BLK: variants seen among roughly 807,000 people sequenced by gnomAD.
BLK encodes the protein tyrosine-protein kinase Blk.
In BLK, 64 loss-of-function variants were observed where a neutral mutation model predicts 61.8. That is an observed-to-expected ratio of 1.03 (90% CI 0.85 to 1.27). BLK has a LOEUF of 1.27. Among genes scored for constraint, BLK ranks in the 50% most tolerant of loss-of-function variants. The pLI is 0.00. For synonymous variants in BLK, 351 were observed against 272.0 expected, an observed-to-expected ratio of 1.29 and a Z score of -2.86; for missense variants, 853 against 660.5, an observed-to-expected ratio of 1.29 and a Z score of -3.19.
At chr8:11,554,627 T>A in intron 6 of BLK, 116 bp from the exon 7 acceptor site, 2 of 1,268,726 alleles carry the variant, frequency 1.6e-6, no homozygotes, top group East Asian at 4.7e-5. Context: ...GGAGTGCTGA[T>A]AATGAAGAAC....
intron 1 of BLK, among the ~76,000 whole-genome samples, chr8:11,538,955 A>G (rs1585380699): frequency 6.6e-6 from 1 of 152,216 alleles, no homozygotes; most frequent in Admixed American, 6.5e-5. Context: ...TAAGAAATAT[A>G]TACAATTAAA....
chr8:11,510,773 TCAAA>T (rs1340814232), intron 1 of BLK, among the ~76,000 whole-genome samples: 38 of 129,938 alleles, frequency 2.9e-4, no homozygotes, highest in African/African-American at 9.0e-4. Context: ...AGACTCCATC[TCAAA>T]TAAATAAATA....
At chr8:11,555,702 A>G in intron 8 of BLK, 1 of 718,390 alleles carries the variant, frequency 1.4e-6, no homozygotes, top group Admixed American at 2.2e-5. Flanking sequence ...CAGAGCAGGA[A>G]CAGAATCCAG....
rs766934515 is a variant in BLK, at chr8:11,549,092, T to A, written c.338T>A (p.Val113Glu). Residue 113 changes from valine to glutamate, a missense_variant, in exon 5 of 13, where the codon GTG (valine) becomes GAG (glutamate). Physicochemically the swap from Val to Glu is moderately radical, Grantham distance 121. Coordinates refer to ENST00000259089, the MANE Select transcript of BLK (RefSeq NM_001715.3). The part of the protein sequence containing the change: ...GREGYVPSNF[V>E]ARVESLEMER... ...GAAGGCTATGTGCCCAGTAACTTTG[T>A]GGCCCGAGTGGAGAGCCTGGAAATG... is the stretch of plus-strand genomic sequence containing the variant. The A allele has an allele frequency of 8.7e-6, 14 of 1,609,876 alleles. No homozygotes were observed. The highest frequency in any genetic ancestry group is 2.5e-6 in the Non-Finnish European group (3 of 1,178,410).
intron 1 of BLK, among the ~76,000 whole-genome samples, chr8:11,510,774 C>CAAATAAATAAAT (rs71203391): frequency 1.7e-4 from 24 of 144,934 alleles, no homozygotes; most frequent in Admixed American, 1.1e-3. Flanking sequence ...GACTCCATCT[C>CAAATAAATAAAT]AAATAAATAA....
At chr8:11,545,934 C>G (rs1800613572) in intron 2 of BLK, 118 bp from the exon 3 acceptor site, 1 of 1,077,482 alleles carries the variant, frequency 9.3e-7, no homozygotes, top group Non-Finnish European at 1.4e-6. Flanking sequence ...GCAGCTGCCT[C>G]TCCTCCTTCA....
chr8:11,504,376 G>T (rs1314156632), intron 1 of BLK, among the ~76,000 whole-genome samples: 1 of 49,086 alleles, frequency 2.0e-5, no homozygotes, highest in Non-Finnish European at 6.2e-5. Context: ...AGAAAGAAAA[G>T]AAAAGAAAAG....
intron 1 of BLK, among the ~76,000 whole-genome samples, chr8:11,521,299 A>T (rs1202925009): frequency 6.6e-6 from 1 of 152,100 alleles, no homozygotes; most frequent in Admixed American, 6.5e-5. Flanking sequence ...AATTAATAAA[A>T]TTTTTTCTTG....
At chr8:11,499,857 A>AT (rs1257781505) in intron 1 of BLK, among the ~76,000 whole-genome samples, 9 of 150,992 alleles carry the variant, frequency 6.0e-5, no homozygotes, top group East Asian at 2.0e-4. Flanking sequence ...CTTTATACAC[A>AT]TTTTTTTTTC....
At chr8:11,537,210 C>T (rs1331403191) in intron 1 of BLK, among the ~76,000 whole-genome samples, 1 of 152,148 alleles carries the variant, frequency 6.6e-6, no homozygotes, top group Non-Finnish European at 1.5e-5. Flanking sequence ...GAGCCATAGG[C>T]CAATCACCGT....
intron 1 of BLK, among the ~76,000 whole-genome samples, chr8:11,511,389 C>G (rs1460044231): frequency 1.3e-5 from 2 of 151,950 alleles, no homozygotes; most frequent in African/African-American, 2.4e-5. Context: ...CACATGTATA[C>G]ATATGTAACA....
intron 1 of BLK, among the ~76,000 whole-genome samples, chr8:11,511,441 T>TA (rs554410944): frequency 0.81 from 121,872 of 150,958 alleles, 49,359 homozygotes; most frequent in Admixed American, 0.87. Flanking sequence ...CTTAAAGTAT[T>TA]AAAAAAAAAA....
In BLK at chr8:11,564,444, G is replaced by A; in HGVS notation, c.*336G>A. 1 of 568,196 alleles carries A rather than the reference G, an allele frequency of 1.8e-6. No homozygotes were observed. The highest frequency in any genetic ancestry group is 3.3e-6 in the Non-Finnish European group (1 of 298,780). The allele number at this position is 568,196 out of a possible 1,614,324, so 35.2% of individuals were successfully genotyped here. On this transcript the variant is annotated 3_prime_UTR_variant, in exon 13 of 13. Coordinates refer to ENST00000259089, the MANE Select transcript of BLK (RefSeq NM_001715.3). ...GGCCCCCGTGCTGGGCACCCCCCGT[G>A]CTGGCCGCGTCCCCGCCTCTGCGCC...
intron 6 of BLK, among the ~76,000 whole-genome samples, chr8:11,551,268 T>C (rs1800889095): frequency 6.6e-6 from 1 of 152,210 alleles, no homozygotes. Flanking sequence ...ATCTCACAGC[T>C]CTGGAGGCTG....
chr8:11,516,645 G>C (rs957999200), intron 1 of BLK, among the ~76,000 whole-genome samples: 1 of 152,180 alleles, frequency 6.6e-6, no homozygotes, highest in Admixed American at 6.5e-5. Context: ...GATGAATTGG[G>C]CTACTTTAGG....
At position 11,543,276 on chromosome 8, in the gene BLK, A is replaced by C. The variant is rs762626766; in HGVS notation, c.52A>C (p.Lys18Gln). The change falls in exon 2 of 13, where the codon AAG (lysine) becomes CAG (glutamine). Residue 18 changes from lysine (K) to glutamine (Q), a missense_variant. Coordinates refer to ENST00000259089, the MANE Select transcript of BLK (RefSeq NM_001715.3). ...GGACAAGGAAAAGCCGATCAAAGAG[A>C]AGGACAAGGGCCAATGGAGCCCCCT... ...KPDKEKPIKE[K>Q]DKGQWSPLKV... 11 of 1,613,976 alleles carry C rather than the reference A, an allele frequency of 6.8e-6. No individual in the cohort carries two copies. Among genetic ancestry groups the C allele is most frequent in the Non-Finnish European group, 8.5e-6 (10 of 1,180,012 alleles).
intron 1 of BLK, among the ~76,000 whole-genome samples, chr8:11,507,818 C>T (rs1798836636): frequency 1.3e-5 from 2 of 152,216 alleles, no homozygotes; most frequent in Admixed American, 1.3e-4. Context: ...AGACAGTCAC[C>T]CCATGGCAAG....
intron 1 of BLK, among the ~76,000 whole-genome samples, chr8:11,534,652 C>G (rs1800035933): frequency 6.6e-6 from 1 of 152,186 alleles, no homozygotes; most frequent in Admixed American, 6.5e-5. Context: ...AGGTGAATTT[C>G]CACAAAAGAT....
intron 1 of BLK, among the ~76,000 whole-genome samples, chr8:11,524,589 GT>G (rs1391987134): frequency 1.3e-5 from 2 of 152,234 alleles, no homozygotes; most frequent in Non-Finnish European, 2.9e-5. Context: ...GAAAGGTTAT[GT>G]ATGCTCTTGA....
Sources: gnomAD v4.1 joint callset for allele counts (sites outside exome capture counted in the v4.1 genomes callset) on GRCh38, gnomAD v4.1.1 for gene constraint, MANE v1.5 for transcripts, NCBI Gene and HGNC (gene_info 2026-07-23, HGNC 2026-07-21) for gene names.